The following LUZP2 variants were observed in gnomAD, a reference collection of about 807,000 sequenced individuals.
LUZP2 encodes leucine zipper protein 2.
A neutral mutation model predicts 51.6 loss-of-function variants in LUZP2; 52 were observed. The observed-to-expected ratio is 1.01, with a 90% CI of 0.81 to 1.27. The LOEUF (loss-of-function observed/expected upper bound fraction) is 1.27. LUZP2 is among the 50% of genes most tolerant of loss of function. LUZP2 has a pLI of 0.00. For missense variants in LUZP2, 436 were observed against 395.4 expected (o/e 1.10, Z -0.87); for synonymous variants, 154 against 137.3 (o/e 1.12, Z -0.85).
chr11:24,811,401 T>G (rs1850016790), intron 5 of LUZP2, among the ~76,000 whole-genome samples: 2 of 152,216 alleles, frequency 1.3e-5, no homozygotes, highest in African/African-American at 4.8e-5. Context: ...CTGATATTGC[T>G]TCTAGCACAG....
chr11:24,959,043 T>G (rs1855304344), intron 7 of LUZP2, among the ~76,000 whole-genome samples: 1 of 152,228 alleles, frequency 6.6e-6, no homozygotes, highest in Non-Finnish European at 1.5e-5. Context: ...TTTCTCAGGT[T>G]TGTCAAAGAT....
At position 24,497,200 on chromosome 11, in the gene LUZP2, A is replaced by G. The variant is rs1486175549; in HGVS notation, c.-44A>G. On this transcript the variant is annotated 5_prime_UTR_variant, in exon 1 of 12. Transcript: ENST00000336930. ...AGGAGCGACAGGATCCCGAAGAGAG[A>G]GAGAGAAGGCAGCGAGGGAAGGAGG... is the stretch of plus-strand genomic sequence containing the variant. The G allele has an allele frequency of 1.3e-6, 2 of 1,497,756 alleles. No homozygotes were observed. Among genetic ancestry groups the G allele is most frequent in the African/African-American group, 1.4e-5 (1 of 70,332 alleles). 92.8% of individuals were successfully genotyped at this position (1,497,756 alleles called of 1,614,324 possible).
chr11:25,014,295 T>C (rs928702774), intron 9 of LUZP2, among the ~76,000 whole-genome samples: 4 of 152,226 alleles, frequency 2.6e-5, no homozygotes, highest in African/African-American at 9.6e-5. Flanking sequence ...AAATGCTATT[T>C]CTAGTTCTAG....
chr11:24,769,239 G>C (rs1860308739), intron 5 of LUZP2, among the ~76,000 whole-genome samples: 1 of 152,162 alleles, frequency 6.6e-6, no homozygotes, highest in Non-Finnish European at 1.5e-5. Flanking sequence ...AGAAAGCAGG[G>C]AGTAGAAGGA....
At chr11:24,627,609 G>A (rs557535911) in intron 1 of LUZP2, among the ~76,000 whole-genome samples, 4 of 152,130 alleles carry the variant, frequency 2.6e-5, no homozygotes, top group Non-Finnish European at 5.9e-5. Flanking sequence ...CCAGATATTC[G>A]CTTGCAGTAT....
intron 1 of LUZP2, among the ~76,000 whole-genome samples, chr11:24,623,865 C>T (rs970846705): frequency 3.9e-4 from 60 of 151,922 alleles, no homozygotes; most frequent in Non-Finnish European, 6.2e-4. Flanking sequence ...AAGAAAATGT[C>T]GAAACACTAT....
chr11:25,011,378 C>G (rs748541024), intron 9 of LUZP2, among the ~76,000 whole-genome samples: 6 of 152,048 alleles, frequency 3.9e-5, no homozygotes, highest in African/African-American at 1.4e-4. Flanking sequence ...GACACAAGAA[C>G]ATTTTTATGC....
At chr11:24,566,902 GT>G (rs1852255258) in intron 1 of LUZP2, among the ~76,000 whole-genome samples, 1 of 4,292 alleles carries the variant, frequency 2.3e-4, no homozygotes, top group Non-Finnish European at 4.6e-4. Context: ...ATTTATATAT[GT>G]TATATATATA....
intron 5 of LUZP2, among the ~76,000 whole-genome samples, chr11:24,769,786 C>CTTTTTTTTTTTTTT (rs1554988302): frequency 1.4e-5 from 2 of 146,956 alleles, no homozygotes; most frequent in African/African-American, 5.3e-5. Context: ...ACTAAATTCT[C>CTTTTTTTTTTTTTT]TTTTTTGTTT....
chr11:24,661,860 T>C (rs1431110779), intron 1 of LUZP2, among the ~76,000 whole-genome samples: 1 of 152,172 alleles, frequency 6.6e-6, no homozygotes, highest in Non-Finnish European at 1.5e-5. Context: ...ATAATGTTAA[T>C]GCTCTTGAGA....
At chr11:24,938,551 A>G (rs999395973) in intron 7 of LUZP2, among the ~76,000 whole-genome samples, 2 of 148,244 alleles carry the variant, frequency 1.3e-5, no homozygotes, top group African/African-American at 5.0e-5. Context: ...ATCTACTAAA[A>G]TAATATTGAA....
intron 7 of LUZP2, among the ~76,000 whole-genome samples, chr11:24,918,859 T>A (rs1468287432): frequency 3.6e-5 from 1 of 28,164 alleles, no homozygotes; most frequent in East Asian, 8.3e-4. Flanking sequence ...ATATATATGT[T>A]CTTTATATAT....
chr11:24,819,560 T>C (rs1175325588), intron 5 of LUZP2, among the ~76,000 whole-genome samples: 1 of 152,046 alleles, frequency 6.6e-6, no homozygotes, highest in Non-Finnish European at 1.5e-5. Context: ...AACTTTTCTG[T>C]TTTTTGAAAT....
chr11:24,717,440 G>A (rs1369185682), intron 1 of LUZP2, among the ~76,000 whole-genome samples: 1 of 133,678 alleles, frequency 7.5e-6, no homozygotes, highest in Non-Finnish European at 1.6e-5. Context: ...ACGGAGTATT[G>A]CCTTGTCGCC....
intron 10 of LUZP2, among the ~76,000 whole-genome samples, chr11:25,051,429 T>C (rs1225258177): frequency 6.6e-6 from 1 of 152,206 alleles, no homozygotes. Flanking sequence ...ATAAGAAGTA[T>C]AAATAAAATG....
At chr11:24,802,436 G>A (rs746923965) in intron 5 of LUZP2, among the ~76,000 whole-genome samples, 15 of 151,616 alleles carry the variant, frequency 9.9e-5, no homozygotes, top group Non-Finnish European at 1.9e-4. Flanking sequence ...TCTACAGTCT[G>A]TTTTAACAGA....
At chr11:24,910,413 C>T (rs1435070883) in intron 6 of LUZP2, among the ~76,000 whole-genome samples, 1 of 152,078 alleles carries the variant, frequency 6.6e-6, no homozygotes, top group African/African-American at 2.4e-5. Flanking sequence ...GCCCAGAGGT[C>T]TAGGAGGGAA....
intron 1 of LUZP2, among the ~76,000 whole-genome samples, chr11:24,503,565 C>T (rs563804567): frequency 3.3e-5 from 5 of 152,124 alleles, no homozygotes; most frequent in Non-Finnish European, 7.4e-5. Context: ...GTGTTGCTTT[C>T]CAGTGTTTTA....
intron 5 of LUZP2, among the ~76,000 whole-genome samples, chr11:24,902,926 A>T (rs1853323201): frequency 6.6e-6 from 1 of 152,182 alleles, no homozygotes; most frequent in South Asian, 2.1e-4. Flanking sequence ...AACAGAAGAA[A>T]GAAAAAATAG....
Sources: gnomAD v4.1 joint callset for allele counts (sites outside exome capture counted in the v4.1 genomes callset) on GRCh38, gnomAD v4.1.1 for gene constraint, MANE v1.5 for transcripts, NCBI Gene and HGNC (gene_info 2026-07-23, HGNC 2026-07-21) for gene names.